Variants in RBFOX3 observed in about 807,000 individuals in gnomAD.
RBFOX3 encodes RNA binding protein fox-1 homolog 3.
A neutral mutation model predicts 48.7 loss-of-function variants in RBFOX3; 17 were observed. The ratio of observed to expected loss-of-function variants is 0.35; its 90% CI spans 0.24 to 0.52. The LOEUF is 0.52. Ranked by LOEUF, RBFOX3 falls within the 20% of genes least tolerant of loss-of-function variation. The probability of loss-of-function intolerance (pLI) is 0.94; values close to 1 mark genes in which losing one functional copy is unlikely to be tolerated. For synonymous variants in RBFOX3, 212 were observed against 209.5 expected, an observed-to-expected ratio of 1.01 and a Z score of -0.10; for missense variants, 382 against 497.5, an observed-to-expected ratio of 0.77 and a Z score of 2.21.
intron 11 of RBFOX3, 94 bp downstream of exon 11, chr17:79,097,198 T>G: frequency 3.3e-6 from 3 of 916,404 alleles, no homozygotes; most frequent in South Asian, 2.3e-5. Flanking sequence ...CTGGAAAGGC[T>G]GCCTAGCCCC....
At chr17:79,122,650 T>C (rs1599536603) in intron 4 of RBFOX3, among the ~76,000 whole-genome samples, 1 of 151,882 alleles carries the variant, frequency 6.6e-6, no homozygotes, top group Non-Finnish European at 1.5e-5. Context: ...AGTTTGGAGG[T>C]TTCTCAAAAA....
intron 2 of RBFOX3, among the ~76,000 whole-genome samples, chr17:79,411,132 G>A (rs1056512718): frequency 2.0e-5 from 3 of 152,212 alleles, no homozygotes; most frequent in African/African-American, 7.2e-5. Context: ...CCGGCACCAG[G>A]CGCTGTGCCG....
At chr17:79,310,831 C>A (rs1598204107) in intron 2 of RBFOX3, among the ~76,000 whole-genome samples, 1 of 152,304 alleles carries the variant, frequency 6.6e-6, no homozygotes, top group South Asian at 2.1e-4. Flanking sequence ...TCACTGCCCT[C>A]TAGGCCCATC....
chr17:79,566,078 CG>C (rs2092442781), intron 1 of RBFOX3, among the ~76,000 whole-genome samples: 1 of 152,186 alleles, frequency 6.6e-6, no homozygotes, highest in African/African-American at 2.4e-5. Context: ...CTGTCATCCT[CG>C]GATTTAATAA....
chr17:79,608,533 C>T (rs958141053), intron 1 of RBFOX3, among the ~76,000 whole-genome samples: 2 of 152,314 alleles, frequency 1.3e-5, no homozygotes, highest in Admixed American at 1.3e-4. Context: ...AAAACCCCGG[C>T]CGTGCAAGCG....
intron 1 of RBFOX3, among the ~76,000 whole-genome samples, chr17:79,573,946 C>T (rs1160436138): frequency 1.3e-5 from 2 of 152,118 alleles, no homozygotes; most frequent in African/African-American, 2.4e-5. Context: ...GGAAACCAGG[C>T]GGGGAGGAGA....
chr17:79,544,837 A>G (rs2090177148), intron 1 of RBFOX3, among the ~76,000 whole-genome samples: 1 of 151,346 alleles, frequency 6.6e-6, no homozygotes, highest in Non-Finnish European at 1.5e-5. Flanking sequence ...TGCTGTCCTC[A>G]CTCCTCTCCA....
At chr17:79,177,422 C>A (rs150339179) in intron 4 of RBFOX3, among the ~76,000 whole-genome samples, 1 of 152,326 alleles carries the variant, frequency 6.6e-6, no homozygotes, top group East Asian at 1.9e-4. Flanking sequence ...CCCCGCTGTG[C>A]CAGGCTGGAG....
At chr17:79,169,768 T>C (rs191925932) in intron 4 of RBFOX3, among the ~76,000 whole-genome samples, 199 of 152,258 alleles carry the variant, frequency 1.3e-3, no homozygotes, top group African/African-American at 4.7e-3. Flanking sequence ...CTTGTTAAGA[T>C]GGTGAAAATA....
At chr17:79,267,433 C>T (rs756837344) in intron 3 of RBFOX3, among the ~76,000 whole-genome samples, 17 of 152,142 alleles carry the variant, frequency 1.1e-4, no homozygotes, top group Non-Finnish European at 2.2e-4. Flanking sequence ...CTCTGTTGCC[C>T]AGGCTGGAGT....
chr17:79,646,458 A>C, the RBFOX3 span, among the ~76,000 whole-genome samples: 2 of 152,212 alleles, frequency 1.3e-5, no homozygotes, highest in African/African-American at 4.8e-5. Context: ...GAGGCCTCAC[A>C]GTCATGGCAG....
intron 4 of RBFOX3, among the ~76,000 whole-genome samples, chr17:79,196,336 C>T (rs2703550): frequency 0.98 from 148,514 of 152,232 alleles, 72,554 homozygotes; most frequent in East Asian, 1. Flanking sequence ...GTCACAGACC[C>T]GGAGTCCAGC....
intron 3 of RBFOX3, among the ~76,000 whole-genome samples, chr17:79,244,026 C>T (rs1014804895): frequency 3.3e-5 from 5 of 152,190 alleles, no homozygotes; most frequent in African/African-American, 7.2e-5. Flanking sequence ...TAGACACCCT[C>T]GGCCTTCCAC....
At chr17:79,624,527 C>T in the RBFOX3 span, among the ~76,000 whole-genome samples, 1 of 152,180 alleles carries the variant, frequency 6.6e-6, no homozygotes, top group Non-Finnish European at 1.5e-5. Flanking sequence ...AGTCCAACAG[C>T]GACCACAGAG....
At position 79,433,675 on chromosome 17, in the gene RBFOX3, ACCCAG is replaced by A. The variant is rs143941362; in HGVS notation, c.-175+48774_-175+48778del. 3.6e-3 allele frequency among the ~76,000 whole-genome samples: 540 copies of A among 151,856 alleles called. 6 individuals are homozygous for A. Among genetic ancestry groups the A allele is most frequent in the African/African-American group, 0.011 (438 of 41,284 alleles). On this transcript the variant is annotated intron_variant, in intron 2 of 14. Coordinates refer to ENST00000693108, the MANE Select transcript of RBFOX3 (RefSeq NM_001350451.2). ...GCTCACAGCTTGAAGCAGCTGCAGCACCCAGCCCAGCCCAGCCCAGCCCAGCCCAC... is the reference window on the plus strand; with the variant it reads ...GCTCACAGCTTGAAGCAGCTGCAGCACCCAGCCCAGCCCAGCCCAGCCCAC...
chr17:79,413,490 G>A (rs1422660741), intron 2 of RBFOX3, among the ~76,000 whole-genome samples: 3 of 152,258 alleles, frequency 2.0e-5, no homozygotes, highest in Admixed American at 1.3e-4. Flanking sequence ...AATCCCTGGA[G>A]CCACAGCATC....
chr17:79,466,050 G>T (rs1325805704), intron 2 of RBFOX3, among the ~76,000 whole-genome samples: 10 of 152,188 alleles, frequency 6.6e-5, no homozygotes, highest in African/African-American at 2.4e-4. Flanking sequence ...TGGCCCATGA[G>T]GCTCCCTCTG....
intron 4 of RBFOX3, among the ~76,000 whole-genome samples, chr17:79,160,364 G>T (rs1203501697): frequency 2.0e-5 from 3 of 152,220 alleles, no homozygotes; most frequent in Non-Finnish European, 4.4e-5. Flanking sequence ...ATGGCAGTGT[G>T]GTCCCACCTC....
At chr17:79,413,953 G>T (rs1224462710) in intron 2 of RBFOX3, among the ~76,000 whole-genome samples, 2 of 152,084 alleles carry the variant, frequency 1.3e-5, no homozygotes, top group Non-Finnish European at 2.9e-5. Flanking sequence ...GGGTAGGAGA[G>T]GGGGCATGTA....
Sources: allele counts gnomAD v4.1 joint callset (sites outside exome capture counted in the v4.1 genomes callset), GRCh38; gene constraint gnomAD v4.1.1; transcripts MANE v1.5; gene names NCBI Gene and HGNC (gene_info 2026-07-23, HGNC 2026-07-21).